The following ANXA8 variants were observed in gnomAD, a reference collection of about 807,000 sequenced individuals.
The protein encoded by ANXA8 is annexin A8, also known as VAC-beta.
ANXA8 carries 9 observed loss-of-function variants against 26.8 expected under a neutral mutation model. The ratio of observed to expected loss-of-function variants is 0.34; its 90% CI spans 0.20 to 0.59. ANXA8 has a LOEUF of 0.59. ANXA8 is among the 20% of genes least tolerant of loss of function. ANXA8 has a pLI of 0.84. For missense variants in ANXA8, 83 were observed against 238.5 expected, an observed-to-expected ratio of 0.35 and a Z score of 4.29; for synonymous variants, 39 against 94.8, an observed-to-expected ratio of 0.41 and a Z score of 3.42.
chr10:47,666,528 T>C, the ANXA8 span, among the ~76,000 whole-genome samples: 15 of 151,886 alleles, frequency 9.9e-5, no homozygotes, highest in Non-Finnish European at 1.5e-5. Flanking sequence ...ATGTCATGCA[T>C]TTGGCTGGAG....
the ANXA8 span, among the ~76,000 whole-genome samples, chr10:47,940,605 G>A: frequency 1.4e-5 from 2 of 147,688 alleles, no homozygotes; most frequent in South Asian, 2.1e-4. Context: ...CGAGGAGGGT[G>A]GATCATGAGG....
chr10:47,590,868 C>T, the ANXA8 span, among the ~76,000 whole-genome samples: 1 of 118,672 alleles, frequency 8.4e-6, no homozygotes, highest in South Asian at 2.8e-4. Context: ...TTCCTGAGGA[C>T]CAGAACTCCC....
the ANXA8 span, among the ~76,000 whole-genome samples, chr10:47,691,699 C>A: frequency 6.7e-6 from 1 of 150,116 alleles, no homozygotes. Context: ...GTTGAGGCTG[C>A]AGTGAGCTTT....
chr10:47,686,272 G>A, the ANXA8 span, among the ~76,000 whole-genome samples: 1 of 147,244 alleles, frequency 6.8e-6, no homozygotes. Flanking sequence ...AGACTGGAGT[G>A]CAGTGGTGTG....
the ANXA8 span, among the ~76,000 whole-genome samples, chr10:47,946,160 TA>T: frequency 8.1e-5 from 12 of 148,874 alleles, no homozygotes; most frequent in Non-Finnish European, 1.8e-4. Flanking sequence ...TGGAAAGCTT[TA>T]CTCTCAATCT....
the ANXA8 span, among the ~76,000 whole-genome samples, chr10:47,562,249 A>C: frequency 4.7e-5 from 7 of 150,520 alleles, no homozygotes; most frequent in Non-Finnish European, 8.8e-5. Flanking sequence ...CTAGCTTTTA[A>C]AATTGACTAG....
At chr10:47,618,957 A>G in the ANXA8 span, among the ~76,000 whole-genome samples, 3 of 115,128 alleles carry the variant, frequency 2.6e-5, 1 homozygote, top group Non-Finnish European at 5.7e-5. Context: ...AGTAGCTGTG[A>G]GTATAAAATT....
the ANXA8 span, among the ~76,000 whole-genome samples, chr10:47,743,325 T>TACAC: frequency 1.4e-4 from 6 of 42,348 alleles, no homozygotes; most frequent in Admixed American, 5.8e-4. Flanking sequence ...CATATATATA[T>TACAC]ATACATATAT....
chr10:47,759,965 A>AG, the ANXA8 span: 1 of 1,346,510 alleles, frequency 7.4e-7, no homozygotes, highest in African/African-American at 1.6e-5. Flanking sequence ...GGCCAGAGGA[A>AG]GGCAGGGGCA....
chr10:47,650,789 A>G, the ANXA8 span, among the ~76,000 whole-genome samples: 2 of 147,958 alleles, frequency 1.4e-5, no homozygotes, highest in Non-Finnish European at 3.0e-5. Context: ...CCTGGGCGAC[A>G]GAGCGAGACT....
the ANXA8 span, among the ~76,000 whole-genome samples, chr10:47,969,702 C>T: frequency 8.7e-5 from 13 of 148,784 alleles, no homozygotes; most frequent in East Asian, 2.3e-3. Flanking sequence ...TATTGCCACA[C>T]CCTCTTGTGA....
the ANXA8 span, among the ~76,000 whole-genome samples, chr10:47,633,546 T>TA: frequency 9.8e-6 from 1 of 101,834 alleles, no homozygotes; most frequent in Non-Finnish European, 1.9e-5. Context: ...CGTAATTTTC[T>TA]AAAAAATCCT....
the ANXA8 span, among the ~76,000 whole-genome samples, chr10:47,559,913 T>C: frequency 5.5e-4 from 83 of 151,832 alleles, 2 homozygotes; most frequent in Non-Finnish European, 1.1e-3. Flanking sequence ...AAAATGCCTG[T>C]GGTGTGAGAG....
chr10:47,982,710 C>T, the ANXA8 span, among the ~76,000 whole-genome samples: 81 of 145,658 alleles, frequency 5.6e-4, 1 homozygote, highest in Non-Finnish European at 1.1e-3. Context: ...ATAAGCGGGG[C>T]ATTATCAAAA....
chr10:47,701,112 A>G, the ANXA8 span, among the ~76,000 whole-genome samples: 5 of 149,978 alleles, frequency 3.3e-5, no homozygotes, highest in African/African-American at 4.9e-5. Context: ...AAAAAGATAT[A>G]AAAATGGCTA....
At chr10:47,611,719 G>T in the ANXA8 span, among the ~76,000 whole-genome samples, 3 of 74,304 alleles carry the variant, frequency 4.0e-5, 1 homozygote, top group Non-Finnish European at 1.0e-4. Context: ...TGAGCCTAAG[G>T]TTGCTTCTCA....
chr10:47,989,132 G>T, the ANXA8 span, among the ~76,000 whole-genome samples: 4 of 142,322 alleles, frequency 2.8e-5, no homozygotes, highest in Non-Finnish European at 6.3e-5. Flanking sequence ...AAGCGATGCT[G>T]TTGGGACTCC....
At chr10:47,660,120 GTAT>G in the ANXA8 span, among the ~76,000 whole-genome samples, 1 of 146,728 alleles carries the variant, frequency 6.8e-6, no homozygotes, top group African/African-American at 2.6e-5. Flanking sequence ...TATCCCTAAA[GTAT>G]TATGAGGCTA....
At chr10:47,775,803 CAGTT>C in the ANXA8 span, among the ~76,000 whole-genome samples, 117 of 149,482 alleles carry the variant, frequency 7.8e-4, no homozygotes, top group African/African-American at 2.8e-3. Context: ...GATCATGTAA[CAGTT>C]GGACAAGAGC....
Sources: gnomAD v4.1 joint callset for allele counts (sites outside exome capture counted in the v4.1 genomes callset) on GRCh38, gnomAD v4.1.1 for gene constraint, MANE v1.5 for transcripts, NCBI Gene and HGNC (gene_info 2026-07-23, HGNC 2026-07-21) for gene names.